Variants in TRHDE observed in about 807,000 individuals in gnomAD.
TRHDE encodes thyrotropin-releasing hormone-degrading ectoenzyme.
Under a neutral mutation model 125.7 loss-of-function variants are expected in TRHDE, and 72 were observed. That is an observed-to-expected ratio of 0.57 (90% CI 0.47 to 0.70). The LOEUF is 0.70. Among genes scored for constraint, TRHDE ranks in the 30% least tolerant of loss-of-function variants. The pLI, the probability that TRHDE is intolerant of heterozygous loss-of-function variation, is 0.00. For missense variants in TRHDE, 1,110 were observed against 1,327.1 expected (o/e 0.84, Z 2.54); for synonymous variants, 509 against 509.1 (o/e 1.00, Z 0.00).
chr12:72,272,641 GTGAT>G lies in TRHDE; in HGVS notation c.-2_2del. The stretch of plus-strand genomic sequence containing the variant: ...GGGCGGGGGAGGAGGAGGAGGCGGT[GTGAT>G]GGCCCTGGACGGCGAGCTGGGGGAG... On this transcript the variant is annotated start_lost and 5_prime_UTR_variant, in exon 1 of 19. Transcript: ENST00000261180. This position sits in a 1 kb window ranked among gnomAD's most constrained non-coding sequence, Gnocchi z 6.7. 9.4e-7 allele frequency: 1 copy of G among 1,069,320 alleles called. No homozygotes were observed. Among genetic ancestry groups the G allele is most frequent in the South Asian group, 1.8e-5 (1 of 55,932 alleles). 66.2% of individuals were successfully genotyped at this position (1,069,320 alleles called of 1,614,324 possible).
At chr12:72,519,657 C>T (rs1592507629) in intron 6 of TRHDE, among the ~76,000 whole-genome samples, 1 of 152,248 alleles carries the variant, frequency 6.6e-6, no homozygotes, top group Non-Finnish European at 1.5e-5. Context: ...CAAAGTCATT[C>T]TCCGTCCAGC....
At chr12:72,349,240 G>T (rs942157514) in intron 2 of TRHDE, among the ~76,000 whole-genome samples, 1 of 151,912 alleles carries the variant, frequency 6.6e-6, no homozygotes, top group African/African-American at 2.4e-5. Context: ...AAATTCATTT[G>T]CTCATACAAA....
chr12:72,350,364 C>T (rs1227525772), intron 2 of TRHDE, among the ~76,000 whole-genome samples: 1 of 152,014 alleles, frequency 6.6e-6, no homozygotes, highest in African/African-American at 2.4e-5. Context: ...AGCTCCCACA[C>T]ATCTCTCTGT....
chr12:72,512,845 A>G (rs1209522616), intron 6 of TRHDE, among the ~76,000 whole-genome samples: 1 of 151,658 alleles, frequency 6.6e-6, no homozygotes, highest in Admixed American at 6.6e-5. Flanking sequence ...ATTCCTATTT[A>G]CAGAAAGAAC....
intron 2 of TRHDE, among the ~76,000 whole-genome samples, chr12:72,308,959 T>A (rs1868412760): frequency 6.6e-6 from 1 of 152,198 alleles, no homozygotes; most frequent in Non-Finnish European, 1.5e-5. Flanking sequence ...GTTCTTTTTT[T>A]AATGTTAGAA....
intron 2 of TRHDE, among the ~76,000 whole-genome samples, chr12:72,305,315 C>T (rs1257992840): frequency 1.3e-5 from 2 of 152,200 alleles, no homozygotes; most frequent in East Asian, 3.8e-4. Flanking sequence ...AATTAATCCT[C>T]CCTGAAAAAT....
intron 2 of TRHDE, among the ~76,000 whole-genome samples, chr12:72,315,326 A>G (rs187540644): frequency 2.6e-5 from 4 of 152,306 alleles, no homozygotes; most frequent in Non-Finnish European, 4.4e-5. Flanking sequence ...AAAAAAACCA[A>G]ACCGATAGGT....
chr12:72,187,315 A>G (rs1251279338), intron 2 of TRHDE, among the ~76,000 whole-genome samples: 6 of 100,272 alleles, frequency 6.0e-5, no homozygotes, highest in African/African-American at 3.3e-4. Context: ...AACACAACAC[A>G]CACACACACA....
chr12:72,344,792 C>G (rs1016275499), intron 2 of TRHDE, among the ~76,000 whole-genome samples: 8 of 152,036 alleles, frequency 5.3e-5, no homozygotes, highest in Admixed American at 4.6e-4. Context: ...TCTTCCTGCT[C>G]CTGCCTGGTC....
intron 2 of TRHDE, among the ~76,000 whole-genome samples, chr12:72,172,572 A>G (rs1305359133): frequency 1.3e-5 from 2 of 152,158 alleles, no homozygotes; most frequent in South Asian, 2.1e-4. Flanking sequence ...CCAATATAAC[A>G]CTGACTGGTA....
chr12:72,522,864 C>G (rs533927876), intron 6 of TRHDE, among the ~76,000 whole-genome samples: 1 of 152,088 alleles, frequency 6.6e-6, no homozygotes, highest in African/African-American at 2.4e-5. Flanking sequence ...ATGAACATAC[C>G]TGCCTCTCCA....
chr12:72,155,998 T>G (rs149039923), intron 2 of TRHDE, among the ~76,000 whole-genome samples: 4,451 of 152,316 alleles, frequency 0.029, 111 homozygotes, highest in African/African-American at 0.065. Flanking sequence ...CAGAGGTGGA[T>G]TCTACAGAGG....
chr12:72,115,383 C>G (rs546860272), intron 2 of TRHDE, among the ~76,000 whole-genome samples: 1 of 152,150 alleles, frequency 6.6e-6, no homozygotes, highest in South Asian at 2.1e-4. Flanking sequence ...GGATCTTATT[C>G]TTTTTTATGG....
At chr12:72,271,970 G>A (rs1188655152), upstream of TRHDE, 2 of 456,638 alleles carry the variant, frequency 4.4e-6, no homozygotes, top group South Asian at 1.5e-5. Flanking sequence ...GGGTGGAGAA[G>A]GCTTTTCCAG....
At chr12:72,255,206 C>A (rs1300772836) in intron 2 of TRHDE, 1 of 152,162 alleles carries the variant, frequency 6.6e-6, no homozygotes, top group Non-Finnish European at 1.5e-5. Context: ...AGTGGTTTCA[C>A]CAATAACCAA....
At chr12:72,151,905 T>A (rs996422714) in intron 2 of TRHDE, among the ~76,000 whole-genome samples, 1 of 152,156 alleles carries the variant, frequency 6.6e-6, no homozygotes, top group South Asian at 2.1e-4. Flanking sequence ...ATATGAACTT[T>A]AAAGTAGTTT....
intron 15 of TRHDE, among the ~76,000 whole-genome samples, chr12:72,636,673 G>A (rs138033829): frequency 0.018 from 2,791 of 152,216 alleles, 38 homozygotes; most frequent in Non-Finnish European, 0.031. Context: ...TTTGAAGTAC[G>A]TCCCATCAAT....
intron 2 of TRHDE, among the ~76,000 whole-genome samples, chr12:72,337,487 C>A (rs769180714): frequency 3.3e-5 from 5 of 152,054 alleles, no homozygotes; most frequent in South Asian, 2.1e-4. Flanking sequence ...TCAGAGACAG[C>A]GAGTAGTTTC....
At chr12:72,589,785 TTC>T (rs1412626751) in intron 12 of TRHDE, among the ~76,000 whole-genome samples, 1 of 152,096 alleles carries the variant, frequency 6.6e-6, no homozygotes, top group Non-Finnish European at 1.5e-5. Context: ...ATGTTTTGTT[TTC>T]TCTCTTTTTT....
Sources: allele counts gnomAD v4.1 joint callset (sites outside exome capture counted in the v4.1 genomes callset), GRCh38; gene constraint gnomAD v4.1.1; non-coding constraint Gnocchi (gnomAD v3.1); transcripts MANE v1.5; gene names NCBI Gene and HGNC (gene_info 2026-07-23, HGNC 2026-07-21).